SV2C: variants seen among roughly 807,000 people sequenced by gnomAD.
The protein encoded by SV2C is synaptic vesicle glycoprotein 2C.
In SV2C, 49 loss-of-function variants were observed where a neutral mutation model predicts 79.7. The ratio of observed to expected loss-of-function variants is 0.61; its 90% CI spans 0.49 to 0.78. The LOEUF is 0.78. SV2C is among the 30% of genes least tolerant of loss of function. SV2C has a pLI of 0.00. For missense variants in SV2C, 833 were observed against 912.9 expected (o/e 0.91, Z 1.13); for synonymous variants, 334 against 333.2 (o/e 1.00, Z -0.03).
At chr5:75,991,137 A>T in the SV2C span, among the ~76,000 whole-genome samples, 4 of 151,952 alleles carry the variant, frequency 2.6e-5, no homozygotes, top group East Asian at 1.9e-4. Context: ...TTGTTTTTTT[A>T]AAAAAATATT....
intron 4 of SV2C, among the ~76,000 whole-genome samples, chr5:76,218,959 A>G (rs781075049): frequency 8.1e-5 from 5 of 61,844 alleles, no homozygotes; most frequent in Admixed American, 1.7e-4. Flanking sequence ...TGTTTTCTCA[A>G]TGGTTCACCT....
the SV2C span, among the ~76,000 whole-genome samples, chr5:76,015,954 T>C: frequency 2.0e-5 from 3 of 152,018 alleles, no homozygotes; most frequent in African/African-American, 7.2e-5. Context: ...GGAAAGAACA[T>C]GGGTTTTGGA....
At chr5:76,002,118 A>G in the SV2C span, among the ~76,000 whole-genome samples, 1 of 152,048 alleles carries the variant, frequency 6.6e-6, no homozygotes, top group Non-Finnish European at 1.5e-5. Context: ...GTTGTGACAA[A>G]GGCCATTATT....
chr5:76,245,016 T>C (rs11750504), intron 4 of SV2C, among the ~76,000 whole-genome samples: 45,943 of 152,126 alleles, frequency 0.3, 7,571 homozygotes, highest in Non-Finnish European at 0.37. Flanking sequence ...TAGGACTCAA[T>C]TTATATGTCA....
At chr5:76,049,685 T>G in the SV2C span, among the ~76,000 whole-genome samples, 154 of 152,344 alleles carry the variant, frequency 1.0e-3, no homozygotes, top group African/African-American at 3.7e-3. Flanking sequence ...ATAAGTTGTT[T>G]GTAGGTTATT....
At chr5:75,862,055 CCT>C in the SV2C span, among the ~76,000 whole-genome samples, 133 of 152,260 alleles carry the variant, frequency 8.7e-4, no homozygotes, top group Middle Eastern at 0.01. Flanking sequence ...GTACATTTTG[CCT>C]GTTACATCAT....
the SV2C span, among the ~76,000 whole-genome samples, chr5:75,871,279 T>C: frequency 1.6e-4 from 25 of 152,164 alleles, no homozygotes; most frequent in Admixed American, 1.4e-3. Flanking sequence ...GTGAACATCA[T>C]GCCCAACAGT....
At chr5:76,223,623 T>C (rs1745157818) in intron 4 of SV2C, among the ~76,000 whole-genome samples, 1 of 151,472 alleles carries the variant, frequency 6.6e-6, no homozygotes, top group Admixed American at 6.6e-5. Context: ...ACTTCTCTCT[T>C]CTCCTCCCAA....
intron 4 of SV2C, chr5:76,280,949 A>C (rs1216255938): frequency 1.9e-6 from 1 of 534,642 alleles, no homozygotes; most frequent in Non-Finnish European, 3.8e-6. Flanking sequence ...TGAGCCTGCC[A>C]GGATGACAGG....
At chr5:76,012,529 C>A in the SV2C span, among the ~76,000 whole-genome samples, 3 of 152,212 alleles carry the variant, frequency 2.0e-5, no homozygotes, top group South Asian at 2.1e-4. Context: ...GGATGGATTG[C>A]AAAAATTTTC....
chr5:76,155,238 A>C (rs190113476), intron 2 of SV2C, among the ~76,000 whole-genome samples: 1 of 152,342 alleles, frequency 6.6e-6, no homozygotes, highest in Non-Finnish European at 1.5e-5. Flanking sequence ...TGGCATAGTG[A>C]ATTTGGGATG....
chr5:76,213,988 A>G (rs912139533), intron 4 of SV2C, among the ~76,000 whole-genome samples: 2 of 152,114 alleles, frequency 1.3e-5, no homozygotes, highest in Admixed American at 1.3e-4. Context: ...TGTCTGGCCT[A>G]TTTCACTTAA....
At chr5:75,890,124 G>A in the SV2C span, among the ~76,000 whole-genome samples, 5 of 152,004 alleles carry the variant, frequency 3.3e-5, no homozygotes, top group Admixed American at 6.6e-5. Context: ...TATATTTAAA[G>A]GTAGCCACAT....
chr5:76,317,160 T>G (rs1467776227), intron 12 of SV2C, among the ~76,000 whole-genome samples: 3 of 152,362 alleles, frequency 2.0e-5, no homozygotes, highest in African/African-American at 7.2e-5. Context: ...ATGGATTCAG[T>G]GTTACAAAAG....
the SV2C span, among the ~76,000 whole-genome samples, chr5:75,965,624 A>G: frequency 6.6e-6 from 1 of 152,288 alleles, no homozygotes; most frequent in African/African-American, 2.4e-5. Flanking sequence ...CACCCCATTT[A>G]TGGTAGTCTG....
the SV2C span, among the ~76,000 whole-genome samples, chr5:75,930,822 C>T: frequency 1.3e-4 from 20 of 152,170 alleles, no homozygotes; most frequent in African/African-American, 4.8e-4. Flanking sequence ...ATTTGATCAT[C>T]AGTTTCTTTG....
At chr5:75,898,043 A>G in the SV2C span, among the ~76,000 whole-genome samples, 3 of 151,848 alleles carry the variant, frequency 2.0e-5, no homozygotes, top group Non-Finnish European at 4.4e-5. Flanking sequence ...CTCTTTTCCT[A>G]ATTGAATACC....
At chr5:75,882,051 A>T in the SV2C span, among the ~76,000 whole-genome samples, 118 of 150,384 alleles carry the variant, frequency 7.8e-4, no homozygotes, top group Middle Eastern at 3.4e-3. Flanking sequence ...ATCTATTGAG[A>T]TAATCATGTG....
the SV2C span, among the ~76,000 whole-genome samples, chr5:76,048,408 A>G: frequency 1.3e-5 from 2 of 152,164 alleles, no homozygotes; most frequent in African/African-American, 2.4e-5. Flanking sequence ...GTGATGCCCA[A>G]CCACATTGGT....
Sources: allele counts gnomAD v4.1 joint callset (sites outside exome capture counted in the v4.1 genomes callset), GRCh38; gene constraint gnomAD v4.1.1; transcripts MANE v1.5; gene names NCBI Gene and HGNC (gene_info 2026-07-23, HGNC 2026-07-21).